Variants in TBC1D22A observed in about 807,000 individuals in gnomAD.
TBC1D22A encodes TBC1 domain family member 22A.
A neutral mutation model predicts 60.2 loss-of-function variants in TBC1D22A; 38 were observed. The ratio of observed to expected loss-of-function variants is 0.63; its 90% confidence interval spans 0.49 to 0.83. The LOEUF is 0.83. Among genes scored for constraint, TBC1D22A ranks in the 40% least tolerant of loss-of-function variants. TBC1D22A has a pLI of 0.00. For missense variants in TBC1D22A, 628 were observed against 701.0 expected (o/e 0.90, Z 1.18); for synonymous variants, 302 against 281.7 (o/e 1.07, Z -0.72).
rs1473582418 is a variant in TBC1D22A at position 47,175,316 on chromosome 22, C to T, written c.*1690C>T. 2.0e-5 allele frequency: 3 copies of T among 152,496 alleles called. No individual in the cohort carries two copies. Among genetic ancestry groups the T allele is most frequent in the African/African-American group, 7.2e-5 (3 of 41,468 alleles). The allele number at this position is 152,496 out of a possible 1,614,324, so 9.4% of individuals were successfully genotyped here. On this transcript the variant is annotated 3_prime_UTR_variant, in exon 13 of 13. Coordinates refer to ENST00000337137, the MANE Select transcript of TBC1D22A (RefSeq NM_014346.5). Reference sequence around the variant, plus strand: ...AGGGTTCCTCAGACCAGCCATGCCTCCTCCTCCTGCCGCCTCCTTTTCTAG... The same window carrying T: ...AGGGTTCCTCAGACCAGCCATGCCTTCTCCTCCTGCCGCCTCCTTTTCTAG...
chr22:47,147,156 C>T (rs998877436), intron 12 of TBC1D22A, among the ~76,000 whole-genome samples: 2 of 152,208 alleles, frequency 1.3e-5, no homozygotes, highest in Non-Finnish European at 2.9e-5. Context: ...GTGGCGGGCA[C>T]TGTCCATCAC....
intron 12 of TBC1D22A, among the ~76,000 whole-genome samples, chr22:47,138,868 T>C (rs1304341840): frequency 6.6e-6 from 1 of 152,188 alleles, no homozygotes; most frequent in Non-Finnish European, 1.5e-5. Context: ...GTCTCCTTCA[T>C]AGAGGAACCA....
chr22:47,150,815 C>T (rs546540644), intron 12 of TBC1D22A, among the ~76,000 whole-genome samples: 3 of 152,258 alleles, frequency 2.0e-5, no homozygotes, highest in Admixed American at 6.5e-5. Flanking sequence ...GGCTCCCGTG[C>T]GTGTGACCCT....
At chr22:46,787,442 G>C (rs2084207964) in intron 1 of TBC1D22A, among the ~76,000 whole-genome samples, 1 of 152,250 alleles carries the variant, frequency 6.6e-6, no homozygotes, top group South Asian at 2.1e-4. Context: ...CACCAGAGTA[G>C]CTCTGCCTTT....
chr22:47,156,044 T>G (rs2067703948), intron 12 of TBC1D22A, among the ~76,000 whole-genome samples: 1 of 152,042 alleles, frequency 6.6e-6, no homozygotes, highest in South Asian at 2.1e-4. Flanking sequence ...ACTCAGCCCC[T>G]CCCCCTGCTG....
chr22:47,122,825 G>T lies in TBC1D22A; in HGVS notation c.1425+11222G>T, dbSNP rs186190332. ...GGAAGCTGGTGCCAGGGTGTGCCCA[G>T]CCTCTCTGGCTGTAGACCCCTGGAG... is the stretch of plus-strand genomic sequence containing the variant. On this transcript the variant is annotated intron_variant, in intron 12 of 12. Transcript: ENST00000337137. 5.9e-3 allele frequency among the ~76,000 whole-genome samples: 897 copies of T among 152,308 alleles called. 9 individuals are homozygous for T. Among genetic ancestry groups the T allele is most frequent in the African/African-American group, 0.02 (849 of 41,570 alleles).
intron 12 of TBC1D22A, among the ~76,000 whole-genome samples, chr22:47,167,132 G>A (rs372512582): frequency 2.6e-5 from 4 of 152,220 alleles, no homozygotes; most frequent in African/African-American, 7.2e-5. Flanking sequence ...CGATGACCAC[G>A]TTCGTCTTTG....
At chr22:46,867,324 C>T (rs2067103067) in intron 4 of TBC1D22A, among the ~76,000 whole-genome samples, 1 of 152,302 alleles carries the variant, frequency 6.6e-6, no homozygotes, top group Admixed American at 6.5e-5. Flanking sequence ...CCTGGCACAA[C>T]CTCTGGCACA....
In TBC1D22A at chr22:47,168,536, T is replaced by C. The variant is rs193027930; in HGVS notation, c.1426-4962T>C. ...GCAGTGCTCGTGGGGTCAGGCAGCA[T>C]TGGGGGCGGGCTCGGGCCCAGCACT... is the stretch of plus-strand genomic sequence containing the variant. On this transcript the variant is annotated intron_variant, in intron 12 of 12. Transcript: ENST00000337137. Among the ~76,000 whole-genome samples the C allele has an allele frequency of 8.5e-5, 13 of 152,310 alleles. No individual in the cohort carries two copies. In the South Asian group the frequency reaches 1.4e-3, roughly 17 times the overall value.
At chr22:46,855,538 C>T (rs2087523680) in intron 4 of TBC1D22A, among the ~76,000 whole-genome samples, 1 of 152,082 alleles carries the variant, frequency 6.6e-6, no homozygotes, top group Non-Finnish European at 1.5e-5. Flanking sequence ...GTGATTGTGC[C>T]ACTGTGGGGT....
At chr22:46,811,166 A>T (rs1355704078) in intron 4 of TBC1D22A, among the ~76,000 whole-genome samples, 4 of 152,162 alleles carry the variant, frequency 2.6e-5, no homozygotes, top group Admixed American at 6.5e-5. Flanking sequence ...CAGGCAGTGG[A>T]TGGTGACTGG....
At chr22:46,828,282 G>A (rs2086158033) in intron 4 of TBC1D22A, among the ~76,000 whole-genome samples, 1 of 152,220 alleles carries the variant, frequency 6.6e-6, no homozygotes, top group African/African-American at 2.4e-5. Flanking sequence ...AAAAATGGAG[G>A]CCTCATAATT....
chr22:47,094,329 A>C (rs1010884490), intron 11 of TBC1D22A, among the ~76,000 whole-genome samples: 1 of 152,238 alleles, frequency 6.6e-6, no homozygotes, highest in African/African-American at 2.4e-5. Flanking sequence ...GCTAACATTT[A>C]AGTCAGGGGA....
intron 1 of TBC1D22A, among the ~76,000 whole-genome samples, chr22:46,769,093 CAAAAA>C (rs61105868): frequency 4.1e-5 from 3 of 72,654 alleles, no homozygotes; most frequent in South Asian, 6.0e-4. Flanking sequence ...GACTCTGTCT[CAAAAA>C]AAAAAAAAAA....
intron 8 of TBC1D22A, among the ~76,000 whole-genome samples, chr22:46,932,992 G>A (rs2071443187): frequency 6.6e-6 from 1 of 152,146 alleles, no homozygotes; most frequent in African/African-American, 2.4e-5. Flanking sequence ...CAAAGTGCTG[G>A]GATGACAGGC....
At chr22:46,907,767 G>A (rs1339346245) in intron 7 of TBC1D22A, among the ~76,000 whole-genome samples, 1 of 152,256 alleles carries the variant, frequency 6.6e-6, no homozygotes, top group African/African-American at 2.4e-5. Flanking sequence ...AACTGGGTGA[G>A]AGCCACAGGC....
intron 3 of TBC1D22A, among the ~76,000 whole-genome samples, chr22:46,794,059 G>A (rs370371399): frequency 5.3e-5 from 8 of 152,166 alleles, no homozygotes; most frequent in African/African-American, 1.2e-4. Context: ...AGCTACGTGC[G>A]TGTCTCCTCC....
chr22:46,786,589 ATTC>A (rs762898579), intron 1 of TBC1D22A, among the ~76,000 whole-genome samples: 3 of 152,228 alleles, frequency 2.0e-5, no homozygotes, highest in East Asian at 1.9e-4. Context: ...ATTGGTATTA[ATTC>A]TTCTTTATCT....
chr22:47,061,094 G>T (rs759821292), intron 11 of TBC1D22A, among the ~76,000 whole-genome samples: 2 of 150,958 alleles, frequency 1.3e-5, no homozygotes, highest in African/African-American at 2.4e-5. Flanking sequence ...GTTGAGCCAC[G>T]CTGTCTTCCT....
Sources: allele counts gnomAD v4.1 joint callset (sites outside exome capture counted in the v4.1 genomes callset), GRCh38; gene constraint gnomAD v4.1.1; transcripts MANE v1.5; gene names NCBI Gene and HGNC (gene_info 2026-07-23, HGNC 2026-07-21).